Variants in PARD3B observed in about 807,000 individuals in gnomAD.
PARD3B encodes the protein par-3 family cell polarity regulator beta, also known as partitioning defective 3 homolog B.
A neutral mutation model predicts 130.2 loss-of-function variants in PARD3B; 103 were observed. That is an observed-to-expected ratio of 0.79 (90% CI 0.67 to 0.93). The LOEUF (loss-of-function observed/expected upper bound fraction) is 0.93, where lower values mean the gene tolerates loss of function less well. Ranked by LOEUF, PARD3B falls within the 40% of genes least tolerant of loss-of-function variation. The probability of loss-of-function intolerance (pLI) is 0.00; values close to 1 mark genes in which losing one functional copy is unlikely to be tolerated. For missense variants in PARD3B, 1,609 were observed against 1,499.2 expected (o/e 1.07, Z -1.21); for synonymous variants, 583 against 553.2 (o/e 1.05, Z -0.76).
chr2:205,517,081 A>C (rs1260306546), intron 21 of PARD3B, among the ~76,000 whole-genome samples: 1 of 152,286 alleles, frequency 6.6e-6, no homozygotes, highest in East Asian at 1.9e-4. Context: ...TGATTTTCAT[A>C]CGTCGAATCA....
At chr2:204,861,205 TC>T (rs2045180665) in intron 2 of PARD3B, among the ~76,000 whole-genome samples, 1 of 135,104 alleles carries the variant, frequency 7.4e-6, no homozygotes, top group Non-Finnish European at 1.6e-5. Flanking sequence ...TCTCTCTCTC[TC>T]TCTCTCTCGT....
chr2:205,566,481 A>G (rs2053337507), intron 22 of PARD3B, among the ~76,000 whole-genome samples: 1 of 152,124 alleles, frequency 6.6e-6, no homozygotes. Flanking sequence ...GCCAGGTGTT[A>G]AGAATGGATC....
At chr2:204,935,769 T>C (rs1688405206) in intron 2 of PARD3B, among the ~76,000 whole-genome samples, 1 of 152,132 alleles carries the variant, frequency 6.6e-6, no homozygotes, top group African/African-American at 2.4e-5. Flanking sequence ...TGTGAAGACT[T>C]ATTTTGAATG....
intron 22 of PARD3B, among the ~76,000 whole-genome samples, chr2:205,560,390 G>T (rs1176332215): frequency 3.9e-5 from 6 of 151,960 alleles, no homozygotes; most frequent in African/African-American, 1.5e-4. Context: ...CCGTTCCCTT[G>T]GGCCCTTTGT....
Position 205,116,386 on chromosome 2 carries a change from G to A in PARD3B, c.681-2535G>A, listed in dbSNP as rs1704030752. ...AAAATTCTAAGCTGGTAGAGTCACTGAGGCTGTGTGACATTGGGAAAAGAA... is the reference window on the plus strand; with the variant it reads ...AAAATTCTAAGCTGGTAGAGTCACTAAGGCTGTGTGACATTGGGAAAAGAA... On this transcript the variant is annotated intron_variant, in intron 6 of 22. Coordinates refer to ENST00000406610, the MANE Select transcript of PARD3B (RefSeq NM_001302769.2). The surrounding 1 kb of genome is among the most constrained non-coding windows in gnomAD (Gnocchi z 4.5). Among the ~76,000 whole-genome samples the A allele has an allele frequency of 1.3e-5, 2 of 152,132 alleles. No homozygotes were observed. Among genetic ancestry groups the A allele is most frequent in the Non-Finnish European group, 2.9e-5 (2 of 68,024 alleles).
chr2:205,110,117 AC>A (rs1703522917), intron 5 of PARD3B, among the ~76,000 whole-genome samples: 1 of 152,064 alleles, frequency 6.6e-6, no homozygotes, highest in South Asian at 2.1e-4. Flanking sequence ...GAAATAAATT[AC>A]CCCCGGCTCC....
chr2:205,227,235 A>AT (rs2038604015), intron 15 of PARD3B, among the ~76,000 whole-genome samples: 1 of 151,744 alleles, frequency 6.6e-6, no homozygotes, highest in African/African-American at 2.4e-5. Context: ...ATGTTTGTTG[A>AT]TTTTTCTGTC....
At chr2:205,205,111 C>G (rs956364767) in intron 15 of PARD3B, among the ~76,000 whole-genome samples, 2 of 152,038 alleles carry the variant, frequency 1.3e-5, no homozygotes, top group African/African-American at 2.4e-5. Flanking sequence ...TGTTTGTTTC[C>G]CCTCTTATTT....
At chr2:205,013,250 C>T (rs1008278997) in intron 3 of PARD3B, among the ~76,000 whole-genome samples, 1 of 152,188 alleles carries the variant, frequency 6.6e-6, no homozygotes, top group African/African-American at 2.4e-5. Context: ...AATGCCAATT[C>T]TAATTTGCTT....
intron 2 of PARD3B, among the ~76,000 whole-genome samples, chr2:204,738,316 AT>A (rs545702977): frequency 6.6e-6 from 1 of 151,438 alleles, no homozygotes; most frequent in South Asian, 2.1e-4. Flanking sequence ...TAGGTATTTT[AT>A]TTTTTTTCCT....
At chr2:205,466,897 G>A (rs2048644059) in intron 20 of PARD3B, among the ~76,000 whole-genome samples, 1 of 152,164 alleles carries the variant, frequency 6.6e-6, no homozygotes, top group Non-Finnish European at 1.5e-5. Flanking sequence ...GTTTTTAGTA[G>A]AGACAGGGTT....
intron 2 of PARD3B, among the ~76,000 whole-genome samples, chr2:204,845,122 A>G (rs2044408691): frequency 1.3e-5 from 2 of 152,186 alleles, no homozygotes; most frequent in South Asian, 4.1e-4. Flanking sequence ...CTGGAAGTCA[A>G]TTTGAGAGAA....
chr2:205,614,001 G>A (rs1386351000), intron 22 of PARD3B, among the ~76,000 whole-genome samples: 2 of 152,142 alleles, frequency 1.3e-5, no homozygotes, highest in Admixed American at 6.5e-5. Context: ...CTTAATTATT[G>A]TTGTTGTTTT....
At chr2:204,668,360 G>A (rs908972547) in intron 1 of PARD3B, among the ~76,000 whole-genome samples, 2 of 152,068 alleles carry the variant, frequency 1.3e-5, no homozygotes, top group Non-Finnish European at 2.9e-5. Flanking sequence ...GTTAGTTTAC[G>A]TTTCATTTCA....
Position 204,717,949 on chromosome 2 carries a change from C to A in PARD3B, c.222+31667C>A, listed in dbSNP as rs148371466. Among the ~76,000 whole-genome samples, 7 of 152,274 alleles carry A rather than the reference C, an allele frequency of 4.6e-5. No individual in the cohort carries two copies. In the East Asian group the frequency reaches 1.2e-3, roughly 25 times the overall value. On this transcript the variant is annotated intron_variant, in intron 2 of 22. Transcript: ENST00000406610. ...TTGTGATGACAGTTCTGCTGAATCA[C>A]CTCAGACCAAATTTACATATATTAC...
At chr2:205,059,705 C>T (rs1699952489) in intron 4 of PARD3B, among the ~76,000 whole-genome samples, 1 of 152,036 alleles carries the variant, frequency 6.6e-6, no homozygotes, top group Non-Finnish European at 1.5e-5. Flanking sequence ...CCAACAGCAG[C>T]ATTTATATAT....
At chr2:204,559,662 A>G (rs2031174308) in intron 1 of PARD3B, among the ~76,000 whole-genome samples, 1 of 152,226 alleles carries the variant, frequency 6.6e-6, no homozygotes, top group African/African-American at 2.4e-5. Context: ...TAGAAATATC[A>G]TTTGACCCAG....
At chr2:204,578,061 G>C (rs1438591626) in intron 1 of PARD3B, among the ~76,000 whole-genome samples, 1 of 152,158 alleles carries the variant, frequency 6.6e-6, no homozygotes, top group Non-Finnish European at 1.5e-5. Context: ...ATCTTACAAC[G>C]TAGTGGACAG....
intron 15 of PARD3B, among the ~76,000 whole-genome samples, chr2:205,224,292 G>A (rs1425728338): frequency 2.2e-5 from 3 of 136,392 alleles, no homozygotes; most frequent in African/African-American, 8.3e-5. Flanking sequence ...AATGGTGTGA[G>A]CCCAGGAGGT....
Sources: allele counts gnomAD v4.1 joint callset (sites outside exome capture counted in the v4.1 genomes callset), GRCh38; gene constraint gnomAD v4.1.1; non-coding constraint Gnocchi (gnomAD v3.1); transcripts MANE v1.5; gene names NCBI Gene and HGNC (gene_info 2026-07-23, HGNC 2026-07-21).